Variants in PRRC2C observed in about 807,000 individuals in gnomAD.
PRRC2C encodes proline rich coiled-coil 2C.
Under a neutral mutation model 317.2 loss-of-function variants are expected in PRRC2C, and 72 were observed. That is an observed-to-expected ratio of 0.23 (90% CI 0.19 to 0.28). PRRC2C has a LOEUF of 0.28. Ranked by LOEUF, PRRC2C falls within the 10% of genes least tolerant of loss-of-function variation. PRRC2C has a pLI of 1.00. For synonymous variants in PRRC2C, 1,296 were observed against 1,205.9 expected (o/e 1.07, Z -1.55); for missense variants, 3,074 against 3,459.7 (o/e 0.89, Z 2.80).
intron 22 of PRRC2C, among the ~76,000 whole-genome samples, chr1:171,567,772 A>G (rs1032432514): frequency 6.6e-6 from 1 of 152,232 alleles, no homozygotes; most frequent in South Asian, 2.1e-4. Context: ...TATCATTTTG[A>G]TCGTGAGTCC....
chr1:171,536,039 A>C lies in PRRC2C; in HGVS notation c.2054A>C (p.Lys685Thr). ...ATCTTACTTTTTCAGGAACAGATGAAACAGCAGCAGTGGCAGCAGCAGCAA... is the reference window on the plus strand; with the variant it reads ...ATCTTACTTTTTCAGGAACAGATGACACAGCAGCAGTGGCAGCAGCAGCAA... ...PRFQRQQEQMKQQQWQQQQQQ... is the reference protein window; with the variant it reads ...PRFQRQQEQMTQQQWQQQQQQ... Residue 685 changes from lysine to threonine, a missense_variant, in exon 14 of 35, where the codon AAA (lysine) becomes ACA (threonine). Transcript: ENST00000647382. 2 of 1,552,220 alleles carry C rather than the reference A, an allele frequency of 1.3e-6. No homozygotes were observed. Among genetic ancestry groups the C allele is most frequent in the Non-Finnish European group, 1.7e-6 (2 of 1,147,140 alleles).
At position 171,546,279 on chromosome 1, in the gene PRRC2C, G is replaced by A. The variant is rs760505682; in HGVS notation, c.4972+592G>A. ...ATATCTGTGTATAGACATTGTACAT[G>A]TAAAATGTACTATTTGCCATTCATT... On this transcript the variant is annotated intron_variant, in intron 17 of 34. Coordinates refer to ENST00000647382, the MANE Select transcript of PRRC2C (RefSeq NM_001387844.1). Among the ~76,000 whole-genome samples, 51 of 152,200 alleles carry A rather than the reference G, an allele frequency of 3.4e-4. 1 individual carries two copies. The highest frequency in any genetic ancestry group is 3.1e-4 in the Non-Finnish European group (21 of 68,034).
At chr1:171,584,353 A>G in intron 29 of PRRC2C, 66 bp from the exon 30 acceptor site, 1 of 1,438,538 alleles carries the variant, frequency 7.0e-7, no homozygotes, top group Non-Finnish European at 9.4e-7. Context: ...TGAAGTCATA[A>G]TCTCCACCTC....
At chr1:171,555,127 A>G (rs549681697) in intron 18 of PRRC2C, among the ~76,000 whole-genome samples, 21 of 152,284 alleles carry the variant, frequency 1.4e-4, no homozygotes. Flanking sequence ...GTCTTTTCAC[A>G]TAGTCCCATA....
At chr1:171,578,467 C>T (rs1647706293) in intron 26 of PRRC2C, among the ~76,000 whole-genome samples, 1 of 152,150 alleles carries the variant, frequency 6.6e-6, no homozygotes, top group African/African-American at 2.4e-5. Flanking sequence ...GTGAGAGAAT[C>T]ATTTGAACCC....
chr1:171,590,356 A>T (rs987491251), intron 34 of PRRC2C, among the ~76,000 whole-genome samples: 5 of 152,158 alleles, frequency 3.3e-5, no homozygotes, highest in African/African-American at 1.2e-4. Flanking sequence ...TAAACCTTAC[A>T]TGTCTGCCAG....
At chr1:171,568,144 C>T (rs1235539290) in intron 22 of PRRC2C, 103 bp from the exon 23 acceptor site, 43 of 1,398,724 alleles carry the variant, frequency 3.1e-5, no homozygotes, top group Non-Finnish European at 3.7e-5. Flanking sequence ...GAGATCATGC[C>T]ACTGCACTCC....
chr1:171,555,429 A>C (rs1370392491), intron 18 of PRRC2C, among the ~76,000 whole-genome samples: 1 of 152,132 alleles, frequency 6.6e-6, no homozygotes, highest in Non-Finnish European at 1.5e-5. Context: ...AGCTCAGAGA[A>C]GTTTGTTATT....
intron 4 of PRRC2C, among the ~76,000 whole-genome samples, chr1:171,515,421 A>AATTT (rs1320372848): frequency 6.6e-6 from 1 of 152,196 alleles, no homozygotes; most frequent in African/African-American, 2.4e-5. Context: ...TTAGCAGAGG[A>AATTT]ATTTGATGTG....
Position 171,527,955 on chromosome 1 carries a change from T to C in PRRC2C, c.1254+111T>C. ...CTTTTATGAAACAGTTACTAACTTT[T>C]TACCTTGTGACTCTTACATGTCTTA... On this transcript the variant is annotated intron_variant, in intron 11 of 34. Transcript: ENST00000647382. The C allele has an allele frequency of 8.5e-6, 7 of 825,100 alleles. 1 individual carries two copies. The South Asian group carries it at 1.1e-4, about 13-fold the overall frequency. The allele number at this position is 825,100 out of a possible 1,614,324, so 51.1% of individuals were successfully genotyped here. A position where few individuals can be genotyped will look rare whatever the true frequency, so the allele number is the denominator to read the frequency against.
rs550268627 is a variant in PRRC2C at position 171,513,736 on chromosome 1, TA to T, written c.290+572del. ...TGACCAAGCCTAAATAGTGGTAATTTAAAAAAAATAAGACAAGCCATTGGAT... is the reference window on the plus strand; with the variant it reads ...TGACCAAGCCTAAATAGTGGTAATTTAAAAAAATAAGACAAGCCATTGGAT... On this transcript the variant is annotated intron_variant, in intron 3 of 34. Transcript: ENST00000647382. 8.0e-4 allele frequency among the ~76,000 whole-genome samples: 122 copies of T among 152,050 alleles called. 4 individuals are homozygous for T. The South Asian group carries it at 0.025, about 31-fold the overall frequency.
At chr1:171,522,288 A>G (rs1418472530) in intron 7 of PRRC2C, 29 bp downstream of exon 7, 2 of 1,426,876 alleles carry the variant, frequency 1.4e-6, no homozygotes, top group Non-Finnish European at 2.0e-6. Flanking sequence ...TAAAGTCTGT[A>G]AGGAATATAT....
At position 171,579,378 on chromosome 1, in the gene PRRC2C, A is replaced by G. The variant is rs1478679690; in HGVS notation, c.7184A>G (p.Asp2395Gly). The change falls in exon 27 of 35, where the codon GAC becomes GGC. Residue 2395 changes from aspartate to glycine, a missense_variant. By Grantham distance (94) the Asp-to-Gly change is moderately conservative. Transcript: ENST00000647382. ...AAAQIPAFYMDTSHLFNTQHA... is the reference protein window; with the variant it reads ...AAAQIPAFYMGTSHLFNTQHA... ...GCTCAAATCCCAGCCTTCTATATGG[A>G]CACAAGTCATTTATTCAATACCCAA... 6.2e-7 allele frequency: 1 copy of G among 1,613,878 alleles called. No homozygotes were observed. Among genetic ancestry groups the G allele is most frequent in the Admixed American group, 1.7e-5 (1 of 60,018 alleles).
At chr1:171,567,210 A>G (rs1683830009) in intron 22 of PRRC2C, among the ~76,000 whole-genome samples, 1 of 152,206 alleles carries the variant, frequency 6.6e-6, no homozygotes, top group African/African-American at 2.4e-5. Context: ...GAAATAAGGC[A>G]GACTTTTACT....
In PRRC2C at chr1:171,537,338, A is replaced by G. The variant is rs992915767; in HGVS notation, c.2369A>G (p.His790Arg). 1.3e-6 allele frequency: 2 copies of G among 1,597,490 alleles called. No individual in the cohort carries two copies. Among genetic ancestry groups the G allele is most frequent in the Non-Finnish European group, 1.7e-6 (2 of 1,171,262 alleles). The change falls in exon 15 of 35, where the codon CAT (histidine) becomes CGT (arginine). Residue 790 changes from histidine to arginine, a missense_variant. Physicochemically the swap from His to Arg is conservative, Grantham distance 29. Around this residue, in one of 11 missense-constraint regions of PRRC2C, gnomAD observed 1,320 missense variants for 1,395.7 expected, o/e 0.95. Coordinates refer to ENST00000647382, the MANE Select transcript of PRRC2C (RefSeq NM_001387844.1). The stretch of plus-strand genomic sequence containing the variant: ...CCGAACAGTTCTGAGTCATTTGAGC[A>G]TATAGCTCGATCTGCAAGAGATCAC... ...GSPNSSESFE[H>R]IARSARDHAI...
intron 1 of PRRC2C, among the ~76,000 whole-genome samples, chr1:171,489,667 A>G (rs941083726): frequency 1.3e-5 from 2 of 152,234 alleles, no homozygotes; most frequent in Middle Eastern, 3.2e-3. Context: ...TTAAATCCAT[A>G]TTGCAGAAAG....
At chr1:171,544,370 C>T (rs976859061) in intron 16 of PRRC2C, among the ~76,000 whole-genome samples, 3 of 152,136 alleles carry the variant, frequency 2.0e-5, no homozygotes, top group African/African-American at 7.2e-5. Flanking sequence ...GTGATCTGCC[C>T]ACCTCGGCCT....
intron 20 of PRRC2C, among the ~76,000 whole-genome samples, chr1:171,561,419 C>G (rs551929573): frequency 6.6e-6 from 1 of 152,278 alleles, no homozygotes; most frequent in South Asian, 2.1e-4. Context: ...TGCCACTGTA[C>G]TCCAGCCTAG....
Position 171,542,006 on chromosome 1 carries a change from G to C in PRRC2C, c.4540G>C (p.Asp1514His). ...TGATTTCAATGAGAGGCGAGAGAGG[G>C]ATGAAAAAAAAAATGCTGACTTGAA... ...SSDFNERRER[D>H]EKKNADLNAQ... The change falls in exon 16 of 35, where the codon GAT becomes CAT. Residue 1514 changes from aspartate (D) to histidine (H), a missense_variant. Asp to His is a moderately conservative substitution (Grantham distance 81). Transcript: ENST00000647382. 1 of 1,607,068 alleles carries C rather than the reference G, an allele frequency of 6.2e-7. No individual in the cohort carries two copies. The highest frequency in any genetic ancestry group is 8.5e-7 in the Non-Finnish European group (1 of 1,177,838).
Sources: allele counts gnomAD v4.1 joint callset (sites outside exome capture counted in the v4.1 genomes callset), GRCh38; gene constraint gnomAD v4.1.1; regional missense constraint gnomAD v4.1.1; transcripts MANE v1.5; gene names NCBI Gene and HGNC (gene_info 2026-07-23, HGNC 2026-07-21).